LMCD1: variants seen among roughly 807,000 people sequenced by gnomAD.
LMCD1 encodes LIM and cysteine-rich domains protein 1.
LMCD1 carries 32 observed loss-of-function variants against 42.7 expected under a neutral mutation model. That is an observed-to-expected ratio of 0.75 (90% CI 0.57 to 1.01). LMCD1 has a LOEUF of 1.01. Among genes scored for constraint, LMCD1 ranks in the 50% least tolerant of loss-of-function variants. The pLI, the probability that LMCD1 is intolerant of heterozygous loss-of-function variation, is 0.00. For missense variants in LMCD1, 458 were observed against 483.1 expected (o/e 0.95, Z 0.49); for synonymous variants, 178 against 184.9 (o/e 0.96, Z 0.30).
At chr3:8,551,146 A>G (rs1694832305) in intron 4 of LMCD1, 4 of 985,356 alleles carry the variant, frequency 4.1e-6, no homozygotes, top group Non-Finnish European at 4.8e-6. Flanking sequence ...CCCAACCACA[A>G]TTTTACTTTA....
intron 3 of LMCD1, among the ~76,000 whole-genome samples, chr3:8,543,038 G>A (rs1224584596): frequency 6.6e-6 from 1 of 152,184 alleles, no homozygotes; most frequent in African/African-American, 2.4e-5. Context: ...TTCGGAACTT[G>A]GTGTTAGTAA....
At chr3:8,527,734 T>C (rs1343271337) in intron 1 of LMCD1, among the ~76,000 whole-genome samples, 3 of 152,194 alleles carry the variant, frequency 2.0e-5, no homozygotes, top group Non-Finnish European at 4.4e-5. Flanking sequence ...AAAGGAAACC[T>C]GTGAGTAATC....
chr3:8,564,707 A>G (rs1415595872), intron 4 of LMCD1, among the ~76,000 whole-genome samples: 2 of 152,260 alleles, frequency 1.3e-5, no homozygotes, highest in Non-Finnish European at 2.9e-5. Flanking sequence ...CAGATTTCAC[A>G]CTGCAACTAA....
Position 8,548,867 on chromosome 3 carries a change from C to T in LMCD1, c.687C>T (p.Asn229=), listed in dbSNP as rs148806687. The change falls in exon 4 of 6, where the codon AAC becomes AAT. Residue 229 remains asparagine (N), a synonymous_variant. Coordinates refer to ENST00000157600, the MANE Select transcript of LMCD1 (RefSeq NM_014583.4). ...EGAETTAATT[N]GSLSDPSKEV... is the part of the protein sequence containing the mutation. ...CAGAGACCACTGCTGCTACCACCAA[C>T]GGCAGTCTCAGTGACCCGTCCAAAG... The T allele has an allele frequency of 2.8e-5, 44 of 1,560,516 alleles. No homozygotes were observed. The Middle Eastern group carries it at 8.6e-4, about 31-fold the overall frequency.
chr3:8,505,922 A>G (rs1693871103), intron 1 of LMCD1, among the ~76,000 whole-genome samples: 1 of 152,236 alleles, frequency 6.6e-6, no homozygotes, highest in Non-Finnish European at 1.5e-5. Flanking sequence ...CTCAATCTTA[A>G]AAACATATTA....
chr3:8,523,235 G>A (rs1474496647), intron 1 of LMCD1, among the ~76,000 whole-genome samples: 1 of 152,172 alleles, frequency 6.6e-6, no homozygotes, highest in Non-Finnish European at 1.5e-5. Context: ...CAGGAAAAGA[G>A]TCTCTAAATT....
chr3:8,530,402 C>CTCTGCTG (rs1559349442), intron 1 of LMCD1, among the ~76,000 whole-genome samples: 1 of 152,058 alleles, frequency 6.6e-6, no homozygotes, highest in Non-Finnish European at 1.5e-5. Context: ...GTGCTCTGCT[C>CTCTGCTG]TGCTCTGCTG....
chr3:8,513,944 G>A (rs938235841), intron 1 of LMCD1, among the ~76,000 whole-genome samples: 10 of 152,124 alleles, frequency 6.6e-5, no homozygotes, highest in African/African-American at 2.4e-4. Flanking sequence ...AACCCTGGGG[G>A]ATGTCTGCTG....
chr3:8,559,896 T>C (rs1436401564), intron 4 of LMCD1, among the ~76,000 whole-genome samples: 1 of 152,240 alleles, frequency 6.6e-6, no homozygotes, highest in African/African-American at 2.4e-5. Flanking sequence ...AGGGGCTGGC[T>C]ACTGGTAGAA....
chr3:8,527,119 A>C (rs1325073032), intron 1 of LMCD1, among the ~76,000 whole-genome samples: 1 of 152,264 alleles, frequency 6.6e-6, no homozygotes, highest in Admixed American at 6.5e-5. Context: ...AAATTATCTC[A>C]TAAGGTTGTC....
chr3:8,539,260 A>AT lies in LMCD1; in HGVS notation c.387+1827dup, dbSNP rs544650838. Among the ~76,000 whole-genome samples, 667 of 152,274 alleles carry AT rather than the reference A, an allele frequency of 4.4e-3. 3 individuals are homozygous for AT. The highest frequency in any genetic ancestry group is 0.012 in the African/African-American group (492 of 41,560). ...CCAGATAAAATGAAAAGAGACTAAG[A>AT]TTTTTTTCTTAATCTGTACTTTTTG... On this transcript the variant is annotated intron_variant, in intron 3 of 5. Coordinates refer to ENST00000157600, the MANE Select transcript of LMCD1 (RefSeq NM_014583.4).
chr3:8,566,032 T>A (rs1480579721), intron 5 of LMCD1, among the ~76,000 whole-genome samples: 1 of 152,164 alleles, frequency 6.6e-6, no homozygotes, highest in African/African-American at 2.4e-5. Flanking sequence ...TTACTACTTA[T>A]AAAATAGGGA....
intron 3 of LMCD1, among the ~76,000 whole-genome samples, chr3:8,545,494 C>A (rs1458211488): frequency 6.6e-6 from 1 of 152,188 alleles, no homozygotes; most frequent in Non-Finnish European, 1.5e-5. Flanking sequence ...GAATCGTCCT[C>A]TGGCCTTTCC....
chr3:8,506,567 G>T (rs550928781), intron 1 of LMCD1, among the ~76,000 whole-genome samples: 96 of 152,296 alleles, frequency 6.3e-4, no homozygotes, highest in African/African-American at 2.2e-3. Context: ...CAGGGCTCCA[G>T]GAGAAGTATT....
chr3:8,551,391 A>G (rs960270604), intron 4 of LMCD1: 4 of 942,788 alleles, frequency 4.2e-6, no homozygotes, highest in Non-Finnish European at 5.1e-6. Flanking sequence ...GCCAAACACT[A>G]TGCTCACACT....
intron 1 of LMCD1, among the ~76,000 whole-genome samples, chr3:8,523,878 T>G (rs1000132759): frequency 3.9e-5 from 6 of 152,056 alleles, no homozygotes; most frequent in Non-Finnish European, 7.4e-5. Flanking sequence ...GGAGGAGAGG[T>G]CAGGCAGAGG....
In LMCD1 at chr3:8,542,249, G is replaced by A. The variant is rs561215706; in HGVS notation, c.387+4809G>A. Among the ~76,000 whole-genome samples, 10 of 152,118 alleles carry A rather than the reference G, an allele frequency of 6.6e-5. 1 individual carries two copies. In the South Asian group the frequency reaches 1.9e-3, roughly 28 times the overall value. On this transcript the variant is annotated intron_variant, in intron 3 of 5. Transcript: ENST00000157600. ...ACTCCTGACCTCAAGCCATCTGCCC[G>A]CCTTGGCCTCCCAAAGTGCTTGGAT...
rs187317755 is a variant in LMCD1 at position 8,508,841 on chromosome 3, A to G, written c.42+6861A>G. 8.3e-4 allele frequency among the ~76,000 whole-genome samples: 127 copies of G among 152,286 alleles called. 1 individual carries two copies. The highest frequency in any genetic ancestry group is 2.9e-3 in the African/African-American group (119 of 41,556). On this transcript the variant is annotated intron_variant, in intron 1 of 5. Coordinates refer to ENST00000157600, the MANE Select transcript of LMCD1 (RefSeq NM_014583.4). ...CCCAGAGTATCCCAGTTTTGTGTCA[A>G]CCTCATACCTTGAAACTCAGAAGTT...
At chr3:8,506,193 G>A (rs1477913535) in intron 1 of LMCD1, among the ~76,000 whole-genome samples, 1 of 152,172 alleles carries the variant, frequency 6.6e-6, no homozygotes, top group Admixed American at 6.5e-5. Context: ...TGTGGTAGTG[G>A]GAGGCAGGAA....
Sources: gnomAD v4.1 joint callset for allele counts (sites outside exome capture counted in the v4.1 genomes callset) on GRCh38, gnomAD v4.1.1 for gene constraint, MANE v1.5 for transcripts, NCBI Gene and HGNC (gene_info 2026-07-23, HGNC 2026-07-21) for gene names.